VAV3: variants seen among roughly 807,000 people sequenced by gnomAD.
The protein encoded by VAV3 is vav guanine nucleotide exchange factor 3, also known as guanine nucleotide exchange factor VAV3.
A neutral mutation model predicts 131.2 loss-of-function variants in VAV3; 94 were observed. The ratio of observed to expected loss-of-function variants is 0.72; its 90% CI spans 0.61 to 0.85. The LOEUF is 0.85. Among genes scored for constraint, VAV3 ranks in the 40% least tolerant of loss-of-function variants. The pLI is 0.00. For synonymous variants in VAV3, 349 were observed against 342.0 expected (o/e 1.02, Z -0.22); for missense variants, 939 against 1,002.7 (o/e 0.94, Z 0.86).
chr1:107,753,246 GC>G (rs886436656), intron 12 of VAV3, among the ~76,000 whole-genome samples: 1 of 151,790 alleles, frequency 6.6e-6, no homozygotes, highest in African/African-American at 2.4e-5. Context: ...TATATAAGGT[GC>G]CCAGAGTAGT....
intron 1 of VAV3, among the ~76,000 whole-genome samples, chr1:107,919,937 GT>G (rs1277996864): frequency 6.6e-6 from 1 of 152,000 alleles, no homozygotes; most frequent in African/African-American, 2.4e-5. Context: ...ATTAACACTG[GT>G]TTTCATCAGT....
chr1:107,762,267 G>A (rs912935313), intron 9 of VAV3, among the ~76,000 whole-genome samples: 2 of 152,094 alleles, frequency 1.3e-5, no homozygotes, highest in African/African-American at 4.8e-5. Flanking sequence ...TTGCTCACAA[G>A]TTTGTTTCTT....
chr1:107,628,333 G>GA (rs1654195995), intron 20 of VAV3, among the ~76,000 whole-genome samples: 1 of 152,162 alleles, frequency 6.6e-6, no homozygotes, highest in Admixed American at 6.5e-5. Flanking sequence ...CCTGTGGGAA[G>GA]TAAAAATTAT....
At chr1:107,602,273 A>T in intron 24 of VAV3, 124 bp downstream of exon 24, 1 of 592,964 alleles carries the variant, frequency 1.7e-6, no homozygotes, top group Non-Finnish European at 2.8e-6. Context: ...GCAAAATTAG[A>T]ATATGATTAT....
intron 1 of VAV3, among the ~76,000 whole-genome samples, chr1:107,907,967 G>A (rs1445218448): frequency 6.6e-6 from 1 of 152,190 alleles, no homozygotes; most frequent in Non-Finnish European, 1.5e-5. Flanking sequence ...CATATATCTA[G>A]CTATGGTCCT....
At chr1:107,701,194 T>C (rs1660108613) in intron 17 of VAV3, among the ~76,000 whole-genome samples, 1 of 152,238 alleles carries the variant, frequency 6.6e-6, no homozygotes, top group African/African-American at 2.4e-5. Flanking sequence ...TTGTAGACTC[T>C]GGTTATTAGA....
intron 2 of VAV3, among the ~76,000 whole-genome samples, chr1:107,836,605 C>T (rs571775537): frequency 6.6e-6 from 1 of 152,118 alleles, no homozygotes; most frequent in African/African-American, 2.4e-5. Context: ...GATGCAAATA[C>T]ACATCTAAAA....
At chr1:107,650,710 CCT>C (rs1460420835) in intron 19 of VAV3, among the ~76,000 whole-genome samples, 5 of 116,412 alleles carry the variant, frequency 4.3e-5, no homozygotes, top group African/African-American at 1.6e-4. Flanking sequence ...CCCTCCCCCC[CCT>C]CCCCCCACCC....
At chr1:107,803,093 A>C (rs1447889492) in intron 2 of VAV3, among the ~76,000 whole-genome samples, 1 of 151,846 alleles carries the variant, frequency 6.6e-6, no homozygotes, top group Non-Finnish European at 1.5e-5. Flanking sequence ...CCAGGCATTT[A>C]TCTGTTTCTT....
At chr1:107,890,526 T>A (rs1429462815) in intron 1 of VAV3, among the ~76,000 whole-genome samples, 1 of 152,170 alleles carries the variant, frequency 6.6e-6, no homozygotes, top group African/African-American at 2.4e-5. Context: ...ATTCTCACCA[T>A]ACACACTATT....
At chr1:107,724,610 A>G (rs941642179) in intron 15 of VAV3, among the ~76,000 whole-genome samples, 1 of 152,152 alleles carries the variant, frequency 6.6e-6, no homozygotes, top group African/African-American at 2.4e-5. Context: ...AGATTGGACA[A>G]TCCTACAGTA....
In VAV3 at chr1:107,607,380, CAG is replaced by C. The variant is rs768029525; in HGVS notation, c.2015+2549_2015+2550del. ...CCAAATTCCTGTCTGAATACCAAGA[CAG>C]GGTAGTATGTGTATATGGGACCCAG... On this transcript the variant is annotated intron_variant, in intron 22 of 26. Transcript: ENST00000370056. Among the ~76,000 whole-genome samples the C allele has an allele frequency of 7.0e-4, 107 of 152,250 alleles. 1 individual carries two copies. The highest frequency in any genetic ancestry group is 1.1e-3 in the Non-Finnish European group (77 of 68,000).
intron 2 of VAV3, among the ~76,000 whole-genome samples, chr1:107,866,623 C>T (rs1669996318): frequency 6.6e-6 from 1 of 151,546 alleles, no homozygotes; most frequent in African/African-American, 2.4e-5. Context: ...TCAAGCAAGA[C>T]CAGCTGGGCC....
intron 18 of VAV3, among the ~76,000 whole-genome samples, chr1:107,688,034 G>A (rs1306321299): frequency 2.6e-5 from 4 of 152,088 alleles, no homozygotes; most frequent in African/African-American, 4.8e-5. Flanking sequence ...TCAGTAATTC[G>A]GCAAATGTCG....
chr1:107,670,669 G>C (rs1411945900), intron 19 of VAV3, among the ~76,000 whole-genome samples: 1 of 152,104 alleles, frequency 6.6e-6, no homozygotes. Flanking sequence ...AGTTACATAA[G>C]GCAGCGATTA....
At chr1:107,827,486 C>G (rs572181234) in intron 2 of VAV3, among the ~76,000 whole-genome samples, 1 of 152,052 alleles carries the variant, frequency 6.6e-6, no homozygotes, top group East Asian at 1.9e-4. Context: ...ATATCACACC[C>G]AAGAAACAGT....
chr1:107,717,380 T>C (rs549460155), intron 15 of VAV3, among the ~76,000 whole-genome samples: 1 of 152,350 alleles, frequency 6.6e-6, no homozygotes, highest in African/African-American at 2.4e-5. Context: ...CATTTAGTGC[T>C]ATAAATTTCC....
chr1:107,947,380 T>C lies in VAV3; in HGVS notation c.204+17286A>G, dbSNP rs115641476. ...AAAAGTTTGCCATAGACAAGCGAAG[T>C]TATAGAGTTCTAAGAGTTCCAAAAG... On this transcript the variant is annotated intron_variant, in intron 1 of 26. Transcript: ENST00000370056. Among the ~76,000 whole-genome samples, 481 of 108,892 alleles carry C rather than the reference T, an allele frequency of 4.4e-3. 5 individuals are homozygous for C. The highest frequency in any genetic ancestry group is 0.015 in the African/African-American group (457 of 31,016). The allele number at this position is 108,892 out of a possible 152,430, so 71.4% of individuals were successfully genotyped here.
intron 15 of VAV3, among the ~76,000 whole-genome samples, chr1:107,724,717 G>A (rs1273350290): frequency 1.3e-5 from 2 of 152,042 alleles, no homozygotes; most frequent in Admixed American, 1.3e-4. Flanking sequence ...GCAGAGAACA[G>A]ATCCCGAGCC....
Sources: allele counts gnomAD v4.1 joint callset (sites outside exome capture counted in the v4.1 genomes callset), GRCh38; gene constraint gnomAD v4.1.1; transcripts MANE v1.5; gene names NCBI Gene and HGNC (gene_info 2026-07-23, HGNC 2026-07-21).